Variants in FBXO11 observed in about 807,000 individuals in gnomAD.
The protein encoded by FBXO11 is F-box only protein 11.
In FBXO11, 13 loss-of-function variants were observed where a neutral mutation model predicts 117.0. The observed-to-expected ratio is 0.11, with a 90% CI of 0.07 to 0.18. FBXO11 has a LOEUF of 0.18. Among genes scored for constraint, FBXO11 ranks in the 10% least tolerant of loss-of-function variants. The probability of loss-of-function intolerance (pLI) is 1.00; values close to 1 mark genes in which losing one functional copy is unlikely to be tolerated. For synonymous variants in FBXO11, 490 were observed against 380.5 expected (o/e 1.29, Z -3.35); for missense variants, 767 against 1,164.4 (o/e 0.66, Z 4.97).
intron 1 of FBXO11, among the ~76,000 whole-genome samples, chr2:47,877,060 G>A (rs1255829110): frequency 6.6e-6 from 1 of 150,734 alleles, no homozygotes; most frequent in Non-Finnish European, 1.5e-5. Context: ...TTTTTGAGAG[G>A]GTCTTGCTCT....
chr2:47,901,791 C>A (rs989303220), intron 1 of FBXO11, among the ~76,000 whole-genome samples: 7 of 152,170 alleles, frequency 4.6e-5, no homozygotes, highest in African/African-American at 1.7e-4. Context: ...TACATTCCTG[C>A]AGTAAAGACA....
chr2:47,874,442 A>G (rs1558462930), intron 1 of FBXO11, among the ~76,000 whole-genome samples: 1 of 152,182 alleles, frequency 6.6e-6, no homozygotes, highest in Non-Finnish European at 1.5e-5. Context: ...ACAGTGCAAG[A>G]CAACTTTTAA....
intron 1 of FBXO11, among the ~76,000 whole-genome samples, chr2:47,900,615 T>C (rs1351739541): frequency 2.7e-5 from 2 of 74,360 alleles, no homozygotes; most frequent in Admixed American, 2.2e-4. Flanking sequence ...TACACACGTA[T>C]ATACACACGT....
chr2:47,889,102 T>A (rs757863369), intron 1 of FBXO11, among the ~76,000 whole-genome samples: 3 of 152,156 alleles, frequency 2.0e-5, no homozygotes, highest in Non-Finnish European at 4.4e-5. Flanking sequence ...GTTAGCAGTA[T>A]TTTTTTATAA....
At chr2:47,826,690 A>AT (rs139448335) in intron 11 of FBXO11, among the ~76,000 whole-genome samples, 10,916 of 152,024 alleles carry the variant, frequency 0.072, 555 homozygotes, top group Non-Finnish European at 0.11. Flanking sequence ...AATTTTTTGG[A>AT]TTTTTTTCTC....
At chr2:47,889,332 A>C (rs1374252704) in intron 1 of FBXO11, among the ~76,000 whole-genome samples, 1 of 152,200 alleles carries the variant, frequency 6.6e-6, no homozygotes, top group East Asian at 1.9e-4. Flanking sequence ...ATCTATACTT[A>C]CTGATTTTTC....
At chr2:47,838,366 C>T (rs991375764) in intron 4 of FBXO11, among the ~76,000 whole-genome samples, 12 of 151,782 alleles carry the variant, frequency 7.9e-5, no homozygotes, top group Non-Finnish European at 1.5e-4. Flanking sequence ...TAATTTTTCT[C>T]ATTATTAACT....
At chr2:47,859,887 C>A (rs1000147911) in intron 1 of FBXO11, among the ~76,000 whole-genome samples, 1 of 152,068 alleles carries the variant, frequency 6.6e-6, no homozygotes, top group Admixed American at 6.6e-5. Flanking sequence ...TTTATCAGTA[C>A]CAAGCTATTT....
chr2:47,809,291 A>C (rs760234770), intron 20 of FBXO11, 25 bp from the exon 21 acceptor site: 1 of 1,395,044 alleles, frequency 7.2e-7, no homozygotes, highest in Non-Finnish European at 1.0e-6. Flanking sequence ...AGAATAAGTA[A>C]AAATTCAGAG....
intron 1 of FBXO11, among the ~76,000 whole-genome samples, chr2:47,847,623 C>T (rs968835962): frequency 7.2e-5 from 11 of 151,744 alleles, no homozygotes; most frequent in South Asian, 2.1e-4. Flanking sequence ...GCAGGAGAAC[C>T]GCTTGAACCC....
chr2:47,812,360 C>T (rs1670677896), intron 18 of FBXO11, among the ~76,000 whole-genome samples: 2 of 152,290 alleles, frequency 1.3e-5, no homozygotes, highest in East Asian at 1.9e-4. Flanking sequence ...CTCTCCCAAA[C>T]CCAATTGCCA....
rs1678782380 is a variant in FBXO11 at position 47,905,926 on chromosome 2, G to A, written c.-206C>T. The stretch of plus-strand genomic sequence containing the variant: ...CCGGGTAGACAGACGGAGACCGAGC[G>A]AGGCCGGCCGGGAGGGCCTGACGCA... On this transcript the variant is annotated 5_prime_UTR_variant, in exon 1 of 23. Coordinates refer to ENST00000403359, the MANE Select transcript of FBXO11 (RefSeq NM_001190274.2). 7.4e-6 allele frequency: 4 copies of A among 541,426 alleles called. No homozygotes were observed. The highest frequency in any genetic ancestry group is 6.0e-5 in the African/African-American group (3 of 50,156). The allele number at this position is 541,426 out of a possible 1,614,324, so 33.5% of individuals were successfully genotyped here. A position where few individuals can be genotyped will look rare whatever the true frequency, so the allele number is the denominator to read the frequency against.
chr2:47,886,601 C>A (rs1447757323), intron 1 of FBXO11, among the ~76,000 whole-genome samples: 2 of 151,264 alleles, frequency 1.3e-5, no homozygotes, highest in African/African-American at 4.9e-5. Context: ...TAATAGCATA[C>A]AAGAATTTAA....
intron 7 of FBXO11, among the ~76,000 whole-genome samples, chr2:47,833,828 C>T (rs1038997246): frequency 2.6e-5 from 4 of 152,072 alleles, no homozygotes; most frequent in African/African-American, 9.7e-5. Context: ...CCACACCTGG[C>T]TAATTTTTTT....
At chr2:47,849,754 G>C (rs1446244316) in intron 1 of FBXO11, among the ~76,000 whole-genome samples, 1 of 152,208 alleles carries the variant, frequency 6.6e-6, no homozygotes, top group Non-Finnish European at 1.5e-5. Flanking sequence ...CTGAGAGTCA[G>C]TTATGCAGAA....
At chr2:47,896,221 T>C (rs758721793) in intron 1 of FBXO11, among the ~76,000 whole-genome samples, 5 of 152,244 alleles carry the variant, frequency 3.3e-5, no homozygotes, top group East Asian at 1.9e-4. Context: ...AAACACGTAA[T>C]GTTAAGTGAT....
chr2:47,851,376 T>C (rs1378539877), intron 1 of FBXO11, among the ~76,000 whole-genome samples: 1 of 151,944 alleles, frequency 6.6e-6, no homozygotes, highest in Non-Finnish European at 1.5e-5. Context: ...ACTAATTTTG[T>C]ATTTTTACCA....
intron 1 of FBXO11, among the ~76,000 whole-genome samples, chr2:47,900,605 T>TAC (rs1252471477): frequency 1.8e-5 from 2 of 112,204 alleles, no homozygotes; most frequent in African/African-American, 6.3e-5. Context: ...TACACACGTA[T>TAC]ACACACGTAT....
rs199888916 is a variant in FBXO11 at position 47,832,336 on chromosome 2, T to C, written c.1398+13A>G. ...CAGAAGTCCGTTTTTCTATTAAAAA[T>C]AAGTGTTCTTACCATGCCATGATCA... is the stretch of plus-strand genomic sequence containing the variant. On this transcript the variant is annotated intron_variant, in intron 11 of 22. Coordinates refer to ENST00000403359, the MANE Select transcript of FBXO11 (RefSeq NM_001190274.2). 12 of 917,840 alleles carry C rather than the reference T, an allele frequency of 1.3e-5. No individual in the cohort carries two copies. In the African/African-American group the frequency reaches 1.7e-4, roughly 13 times the overall value. The allele number at this position is 917,840 out of a possible 1,614,324, so 56.9% of individuals were successfully genotyped here.
Sources: gnomAD v4.1 joint callset for allele counts (sites outside exome capture counted in the v4.1 genomes callset) on GRCh38, gnomAD v4.1.1 for gene constraint, MANE v1.5 for transcripts, NCBI Gene and HGNC (gene_info 2026-07-23, HGNC 2026-07-21) for gene names.